FCER1A: variants seen among roughly 807,000 people sequenced by gnomAD.
FCER1A encodes high affinity immunoglobulin epsilon receptor subunit alpha.
Under a neutral mutation model 23.6 loss-of-function variants are expected in FCER1A, and 24 were observed. The ratio of observed to expected loss-of-function variants is 1.02; its 90% CI spans 0.74 to 1.43. FCER1A has a LOEUF of 1.43. Among genes scored for constraint, FCER1A ranks in the 40% most tolerant of loss-of-function variants. The probability of loss-of-function intolerance (pLI) is 0.00; values close to 1 mark genes in which losing one functional copy is unlikely to be tolerated. For missense variants in FCER1A, 318 were observed against 294.5 expected, an observed-to-expected ratio of 1.08 and a Z score of -0.58; for synonymous variants, 121 against 108.8, an observed-to-expected ratio of 1.11 and a Z score of -0.70.
chr1:159,307,133 G>A (rs1261349971), intron 4 of FCER1A, among the ~76,000 whole-genome samples: 3 of 152,102 alleles, frequency 2.0e-5, no homozygotes, highest in African/African-American at 4.8e-5. Flanking sequence ...CTGGGTATAC[G>A]TATTTTTCAT....
the FCER1A span, among the ~76,000 whole-genome samples, chr1:159,284,680 T>C: frequency 6.6e-6 from 1 of 152,206 alleles, no homozygotes; most frequent in African/African-American, 2.4e-5. Flanking sequence ...TTTCTAATCT[T>C]TTATGCATTC....
the FCER1A span, among the ~76,000 whole-genome samples, chr1:159,283,710 G>GCTAT: frequency 6.6e-6 from 1 of 152,160 alleles, no homozygotes; most frequent in African/African-American, 2.4e-5. Flanking sequence ...TCAAATTGTT[G>GCTAT]CTATGTTCCT....
At position 159,302,424 on chromosome 1, in the gene FCER1A, G is replaced by T. The variant is rs1024905053; in HGVS notation, c.55+5G>T. On this transcript the variant is annotated splice_donor_5th_base_variant and intron_variant, in intron 1 of 4. Coordinates refer to ENST00000693622, the MANE Select transcript of FCER1A (RefSeq NM_001387280.1). ...GTGTAGCCTTACTGTTCTTCGGTAA[G>T]TAGAGATTCAATTACCCCTCCCAGG... 1.9e-6 allele frequency: 3 copies of T among 1,599,434 alleles called. No individual in the cohort carries two copies. Among genetic ancestry groups the T allele is most frequent in the Non-Finnish European group, 2.6e-6 (3 of 1,166,670 alleles).
At chr1:159,302,231 A>G, upstream of FCER1A, 1 of 710,774 alleles carries the variant, frequency 1.4e-6, no homozygotes, top group South Asian at 1.7e-5. Context: ...TAAAGAAAGA[A>G]GCAAAACCAG....
At position 159,307,761 on chromosome 1, in the gene FCER1A, G is replaced by A; in HGVS notation, c.603G>A (p.Lys201=). The change falls in exon 5 of 5, where the codon AAG becomes AAA. Residue 201 remains lysine (K), a synonymous_variant. Coordinates refer to ENST00000693622, the MANE Select transcript of FCER1A (RefSeq NM_001387280.1). ...GTTCCACTACAGCTCCGCGTGAGAA[G>A]TACTGGCTACAATTTTTTATCCCAT... ...NITVIKAPRE[K]YWLQFFIPLL... 1 of 1,608,394 alleles carries A rather than the reference G, an allele frequency of 6.2e-7. No homozygotes were observed. Among genetic ancestry groups the A allele is most frequent in the Non-Finnish European group, 8.5e-7 (1 of 1,175,564 alleles).
chr1:159,304,601 C>T (rs146399091), intron 3 of FCER1A, among the ~76,000 whole-genome samples: 188 of 152,160 alleles, frequency 1.2e-3, no homozygotes, highest in Non-Finnish European at 2.1e-3. Context: ...AGCAAGACTC[C>T]GTCTCAAAAA....
rs983088525 is a variant in FCER1A at position 159,302,368 on chromosome 1, G to T, written c.4G>T (p.Ala2Ser). M[A>S]PAMESPTLLC... The stretch of plus-strand genomic sequence containing the variant: ...GCACCAGGAGTCCATGAAGAAGATG[G>T]CTCCTGCCATGGAATCCCCTACTCT... The change falls in exon 1 of 5, where the codon GCT (alanine) becomes TCT (serine). Residue 2 changes from alanine (A) to serine (S), a missense_variant. Physicochemically the swap from Ala to Ser is moderately conservative, Grantham distance 99. Coordinates refer to ENST00000693622, the MANE Select transcript of FCER1A (RefSeq NM_001387280.1). 6.2e-7 allele frequency: 1 copy of T among 1,608,708 alleles called. No individual in the cohort carries two copies. Among genetic ancestry groups the T allele is most frequent in the Admixed American group, 1.7e-5 (1 of 60,004 alleles).
At chr1:159,283,982 A>G in the FCER1A span, among the ~76,000 whole-genome samples, 1 of 152,164 alleles carries the variant, frequency 6.6e-6, no homozygotes, top group Admixed American at 6.6e-5. Flanking sequence ...TCATTTGCCT[A>G]CTGACTGTTG....
At chr1:159,302,992 C>A in intron 2 of FCER1A, 118 bp downstream of exon 2, 3 of 983,460 alleles carry the variant, frequency 3.1e-6, no homozygotes, top group Non-Finnish European at 4.9e-6. Flanking sequence ...TGTTCCTTGG[C>A]CAGACTACTT....
chr1:159,301,922 A>C (rs542238092), upstream of FCER1A, among the ~76,000 whole-genome samples: 10 of 152,340 alleles, frequency 6.6e-5, no homozygotes, highest in South Asian at 2.1e-3. Context: ...TGTACTTTAT[A>C]GGATTATTGT....
At chr1:159,303,820 T>G in intron 2 of FCER1A, 108 bp from the exon 3 acceptor site, 1 of 816,662 alleles carries the variant, frequency 1.2e-6, no homozygotes, top group Non-Finnish European at 1.9e-6. Flanking sequence ...AAGGACAGGT[T>G]GACCACTGAT....
chr1:159,302,745 G>T, intron 1 of FCER1A, 109 bp from the exon 2 acceptor site: 1 of 961,756 alleles, frequency 1.0e-6, no homozygotes, highest in East Asian at 2.4e-5. Context: ...AAAGACGGTT[G>T]GTCCTTAAAA....
intron 1 of FCER1A, among the ~76,000 whole-genome samples, chr1:159,293,544 T>A (rs1380063760): frequency 1.8e-5 from 1 of 56,812 alleles, no homozygotes; most frequent in Non-Finnish European, 3.1e-5. Flanking sequence ...CCCTCCCCCC[T>A]CCCCCCACCC....
At chr1:159,301,885 G>C (rs1344562633), upstream of FCER1A, among the ~76,000 whole-genome samples, 1 of 152,116 alleles carries the variant, frequency 6.6e-6, no homozygotes, top group Non-Finnish European at 1.5e-5. Context: ...CAGTTTTCCT[G>C]TTTATAAAAT....
intron 1 of FCER1A, among the ~76,000 whole-genome samples, chr1:159,296,873 C>T (rs1045620475): frequency 6.6e-6 from 1 of 152,100 alleles, no homozygotes; most frequent in Non-Finnish European, 1.5e-5. Context: ...CAGAATGCGT[C>T]CTGCCCCTCC....
chr1:159,307,396 G>C (rs1347777370), intron 4 of FCER1A, among the ~76,000 whole-genome samples: 1 of 152,190 alleles, frequency 6.6e-6, no homozygotes, highest in African/African-American at 2.4e-5. Flanking sequence ...AGGCATTGAT[G>C]ACCCCTGTCC....
chr1:159,296,917 C>T (rs908488881), intron 1 of FCER1A, among the ~76,000 whole-genome samples: 21 of 152,140 alleles, frequency 1.4e-4, no homozygotes, highest in Non-Finnish European at 2.9e-4. Context: ...CCCTCTTTCA[C>T]GCACTAGAAA....
chr1:159,292,669 A>G (rs1416214768), intron 1 of FCER1A, among the ~76,000 whole-genome samples: 2 of 152,122 alleles, frequency 1.3e-5, no homozygotes, highest in African/African-American at 2.4e-5. Context: ...GTGTATACAC[A>G]TATACTATAC....
intron 3 of FCER1A, among the ~76,000 whole-genome samples, chr1:159,304,889 T>G (rs1557970055): frequency 6.6e-6 from 1 of 152,214 alleles, no homozygotes; most frequent in African/African-American, 2.4e-5. Context: ...GACCTGAATA[T>G]TAGGTTGTAC....
Sources: gnomAD v4.1 joint callset for allele counts (sites outside exome capture counted in the v4.1 genomes callset) on GRCh38, gnomAD v4.1.1 for gene constraint, MANE v1.5 for transcripts, NCBI Gene and HGNC (gene_info 2026-07-23, HGNC 2026-07-21) for gene names.